Variants in KCNT2 observed in about 807,000 individuals in gnomAD.
KCNT2 encodes the protein potassium channel subfamily T member 2.
Under a neutral mutation model 153.8 loss-of-function variants are expected in KCNT2, and 67 were observed. That is an observed-to-expected ratio of 0.44 (90% CI 0.36 to 0.53). The LOEUF is 0.53. Ranked by LOEUF, KCNT2 falls within the 20% of genes least tolerant of loss-of-function variation. The pLI, the probability that KCNT2 is intolerant of heterozygous loss-of-function variation, is 0.00. For synonymous variants in KCNT2, 500 were observed against 458.8 expected, an observed-to-expected ratio of 1.09 and a Z score of -1.15; for missense variants, 975 against 1,354.8, an observed-to-expected ratio of 0.72 and a Z score of 4.40.
chr1:196,236,457 T>C (rs1388768634), intron 26 of KCNT2, among the ~76,000 whole-genome samples: 6 of 151,416 alleles, frequency 4.0e-5, no homozygotes. Context: ...GAAAAGAATA[T>C]CCACACAGGA....
chr1:196,504,643 C>G (rs1461483961), intron 1 of KCNT2, among the ~76,000 whole-genome samples: 2 of 152,106 alleles, frequency 1.3e-5, no homozygotes, highest in Non-Finnish European at 2.9e-5. Context: ...AGTTCTAGAT[C>G]CCTGAGGAAT....
At chr1:196,375,913 T>C (rs1668925900) in intron 13 of KCNT2, among the ~76,000 whole-genome samples, 1 of 151,972 alleles carries the variant, frequency 6.6e-6, no homozygotes, top group South Asian at 2.1e-4. Context: ...GAAAAAGATA[T>C]GATATAATAT....
chr1:196,289,926 G>T (rs1660030956), intron 22 of KCNT2, among the ~76,000 whole-genome samples: 1 of 151,726 alleles, frequency 6.6e-6, no homozygotes, highest in South Asian at 2.1e-4. Flanking sequence ...TAAATGTTTG[G>T]TCTTACCTAC....
chr1:196,244,319 G>A (rs1655227586), intron 26 of KCNT2, among the ~76,000 whole-genome samples: 1 of 152,098 alleles, frequency 6.6e-6, no homozygotes, highest in African/African-American at 2.4e-5. Flanking sequence ...AAAAGAGAGG[G>A]AAGAGTAAAG....
intron 13 of KCNT2, among the ~76,000 whole-genome samples, chr1:196,374,989 A>T (rs1024223554): frequency 2.0e-5 from 3 of 152,026 alleles, no homozygotes; most frequent in African/African-American, 7.2e-5. Flanking sequence ...TACAGTGCAC[A>T]AACCATATTT....
At chr1:196,493,153 A>G (rs1283797213) in intron 1 of KCNT2, among the ~76,000 whole-genome samples, 1 of 152,222 alleles carries the variant, frequency 6.6e-6, no homozygotes, top group Non-Finnish European at 1.5e-5. Flanking sequence ...TAACTTGTAA[A>G]TAATACTCAA....
chr1:196,392,121 G>A (rs1457446733), intron 13 of KCNT2, among the ~76,000 whole-genome samples: 1 of 151,296 alleles, frequency 6.6e-6, no homozygotes, highest in Non-Finnish European at 1.5e-5. Context: ...TGCGTACAAA[G>A]AGATTAGTCA....
intron 8 of KCNT2, among the ~76,000 whole-genome samples, chr1:196,454,664 A>T (rs1676500897): frequency 6.6e-6 from 1 of 151,872 alleles, no homozygotes; most frequent in Admixed American, 6.6e-5. Flanking sequence ...TATACCCAGT[A>T]ATGGAATTGC....
chr1:196,392,287 A>G (rs1670559035), intron 13 of KCNT2, among the ~76,000 whole-genome samples: 1 of 151,270 alleles, frequency 6.6e-6, no homozygotes, highest in Admixed American at 6.6e-5. Context: ...GATTCTCCAG[A>G]CAGTGCTGGG....
chr1:196,425,097 G>A (rs1673539440), intron 11 of KCNT2, among the ~76,000 whole-genome samples: 1 of 151,916 alleles, frequency 6.6e-6, no homozygotes, highest in Non-Finnish European at 1.5e-5. Context: ...AAAATATTGA[G>A]CAAAACCACT....
intron 19 of KCNT2, among the ~76,000 whole-genome samples, chr1:196,322,885 AT>A: frequency 6.6e-6 from 1 of 151,888 alleles, no homozygotes; most frequent in African/African-American, 2.4e-5. Context: ...TTTTTTATTA[AT>A]TGGGTTTTCA....
At chr1:196,300,122 C>T (rs1256739240) in intron 22 of KCNT2, among the ~76,000 whole-genome samples, 2 of 152,148 alleles carry the variant, frequency 1.3e-5, no homozygotes, top group Non-Finnish European at 2.9e-5. Flanking sequence ...AAAAATTACA[C>T]AGGCTGCAAG....
chr1:196,322,461 A>C (rs1373569130), intron 19 of KCNT2, among the ~76,000 whole-genome samples: 2 of 151,920 alleles, frequency 1.3e-5, no homozygotes, highest in East Asian at 1.9e-4. Flanking sequence ...AAAATTCAAC[A>C]AACACAAAAA....
chr1:196,372,567 C>G (rs1668627906), intron 14 of KCNT2, among the ~76,000 whole-genome samples: 1 of 151,776 alleles, frequency 6.6e-6, no homozygotes, highest in Non-Finnish European at 1.5e-5. Context: ...TCAAAATAAA[C>G]AAACAAGAAT....
At chr1:196,340,773 T>C (rs1310405125) in intron 15 of KCNT2, among the ~76,000 whole-genome samples, 2 of 152,052 alleles carry the variant, frequency 1.3e-5, no homozygotes, top group Non-Finnish European at 2.9e-5. Flanking sequence ...AAATTTACAT[T>C]TTAATGAAAA....
intron 1 of KCNT2, among the ~76,000 whole-genome samples, chr1:196,590,551 T>C (rs1663219421): frequency 6.6e-6 from 1 of 152,142 alleles, no homozygotes; most frequent in African/African-American, 2.4e-5. Flanking sequence ...CTAGCCTCAT[T>C]CCTTTCTTCA....
chr1:196,237,071 T>A (rs1447769074), intron 26 of KCNT2, among the ~76,000 whole-genome samples: 1 of 151,402 alleles, frequency 6.6e-6, no homozygotes, highest in Non-Finnish European at 1.5e-5. Flanking sequence ...AGAATAAGTT[T>A]CATACCAGTC....
intron 26 of KCNT2, among the ~76,000 whole-genome samples, chr1:196,254,438 G>T (rs1478714869): frequency 2.0e-5 from 3 of 151,510 alleles, no homozygotes; most frequent in Admixed American, 2.0e-4. Context: ...TCATTAGCAT[G>T]ATCTCAAATA....
intron 8 of KCNT2, among the ~76,000 whole-genome samples, chr1:196,432,843 C>T (rs1674281209): frequency 6.6e-6 from 1 of 152,026 alleles, no homozygotes; most frequent in Non-Finnish European, 1.5e-5. Context: ...ACTTTAGGGG[C>T]TACTGGGATG....
Sources: allele counts gnomAD v4.1 joint callset (sites outside exome capture counted in the v4.1 genomes callset), GRCh38; gene constraint gnomAD v4.1.1; transcripts MANE v1.5; gene names NCBI Gene and HGNC (gene_info 2026-07-23, HGNC 2026-07-21).